Variants in SEC11A observed in about 807,000 individuals in gnomAD.
The protein encoded by SEC11A is SEC11 homolog A, signal peptidase complex subunit.
A neutral mutation model predicts 25.6 loss-of-function variants in SEC11A; 14 were observed. The ratio of observed to expected loss-of-function variants is 0.55; its 90% CI spans 0.36 to 0.85. The LOEUF (loss-of-function observed/expected upper bound fraction) is 0.85. Among genes scored for constraint, SEC11A ranks in the 40% least tolerant of loss-of-function variants. SEC11A has a pLI of 0.01. For synonymous variants in SEC11A, 83 were observed against 76.4 expected, an observed-to-expected ratio of 1.09 and a Z score of -0.45; for missense variants, 153 against 222.9, an observed-to-expected ratio of 0.69 and a Z score of 2.00.
At chr15:84,712,885 G>A (rs1044674294) in intron 1 of SEC11A, among the ~76,000 whole-genome samples, 12 of 152,210 alleles carry the variant, frequency 7.9e-5, no homozygotes, top group African/African-American at 2.9e-4. Flanking sequence ...TCTATATCTT[G>A]ATTGTGATCA....
chr15:84,712,851 G>A (rs1216887937), intron 1 of SEC11A, among the ~76,000 whole-genome samples: 2 of 152,122 alleles, frequency 1.3e-5, no homozygotes, highest in Admixed American at 6.6e-5. Flanking sequence ...GGGACAGAAC[G>A]GGTCTTGTAG....
At chr15:84,672,737 G>C (rs1488800493) in intron 4 of SEC11A, 1 of 186,456 alleles carries the variant, frequency 5.4e-6, no homozygotes, top group Non-Finnish European at 1.1e-5. Context: ...CGTCTGGGAT[G>C]TGAGGAGCCC....
intron 1 of SEC11A, among the ~76,000 whole-genome samples, chr15:84,699,448 G>A (rs1897862647): frequency 2.6e-5 from 4 of 152,036 alleles, no homozygotes; most frequent in Admixed American, 2.6e-4. Context: ...ATGAAACAAG[G>A]GTTTTCGGAC....
intron 1 of SEC11A, among the ~76,000 whole-genome samples, chr15:84,701,415 G>T (rs905191139): frequency 5.9e-5 from 9 of 151,646 alleles, no homozygotes; most frequent in Admixed American, 3.3e-4. Flanking sequence ...CACCTCCCGG[G>T]TTCAAGCAAT....
At chr15:84,685,442 T>A (rs974949619) in intron 3 of SEC11A, among the ~76,000 whole-genome samples, 23 of 141,414 alleles carry the variant, frequency 1.6e-4, no homozygotes, top group South Asian at 2.2e-4. Context: ...TTTTTTTTTT[T>A]ATTTGTAGAG....
chr15:84,687,785 A>G lies in SEC11A; in HGVS notation c.162-11T>C, dbSNP rs1196847581. 1.3e-6 allele frequency: 2 copies of G among 1,585,606 alleles called. No individual in the cohort carries two copies. The highest frequency in any genetic ancestry group is 1.7e-6 in the Non-Finnish European group (2 of 1,172,608). ...GGTTCCATGCTGCCACTGGAAGGGA[A>G]AGAAGAATATAACAGCAAAAAGAAA... On this transcript the variant is annotated splice_polypyrimidine_tract_variant and intron_variant, in intron 2 of 5. Coordinates refer to ENST00000268220, the MANE Select transcript of SEC11A (RefSeq NM_014300.4).
rs1896961954 is a variant in SEC11A, at chr15:84,670,752, G to T, written c.462C>A (p.Ile154=). 3 of 1,461,276 alleles carry T rather than the reference G, an allele frequency of 2.1e-6. No homozygotes were observed. Among genetic ancestry groups the T allele is most frequent in the Non-Finnish European group, 2.8e-6 (3 of 1,068,680 alleles). 90.5% of individuals were successfully genotyped at this position (1,461,276 alleles called of 1,614,324 possible). A position where few individuals can be genotyped will look rare whatever the true frequency, so the allele number is the denominator to read the frequency against. ...TAAATTTAGGATAGTCATTCATGAG[G>T]ATCGTCACAATTCCAATATAAGGAA... ...GFVPYIGIVT[I]LMNDYPKFKY... The change falls in exon 5 of 6, where the codon ATC becomes ATA. Residue 154 remains isoleucine (I), a synonymous_variant. Coordinates refer to ENST00000268220, the MANE Select transcript of SEC11A (RefSeq NM_014300.4).
intron 4 of SEC11A, chr15:84,673,558 A>G (rs111469644): frequency 1.3e-5 from 2 of 153,256 alleles, no homozygotes; most frequent in African/African-American, 4.8e-5. Context: ...CATTCCATAC[A>G]CTGGTGTTTC....
chr15:84,684,502 T>C (rs1351863271), intron 3 of SEC11A, among the ~76,000 whole-genome samples: 1 of 152,116 alleles, frequency 6.6e-6, no homozygotes, highest in Non-Finnish European at 1.5e-5. Context: ...CTTTCCTTTA[T>C]AAATTACCCA....
intron 1 of SEC11A, among the ~76,000 whole-genome samples, chr15:84,701,241 A>G (rs1897931595): frequency 6.6e-6 from 1 of 151,626 alleles, no homozygotes; most frequent in Non-Finnish European, 1.5e-5. Flanking sequence ...AAGAGGCTGT[A>G]GTGGGAGGAT....
chr15:84,676,779 T>TC (rs1288283304), intron 4 of SEC11A, among the ~76,000 whole-genome samples: 1 of 122,470 alleles, frequency 8.2e-6, no homozygotes, highest in Non-Finnish European at 1.7e-5. Context: ...AGAGCAAAAC[T>TC]CCATCTCAAA....
intron 1 of SEC11A, among the ~76,000 whole-genome samples, chr15:84,693,161 T>A (rs1897658465): frequency 6.6e-6 from 1 of 152,174 alleles, no homozygotes; most frequent in African/African-American, 2.4e-5. Context: ...TCTACACAAC[T>A]GTCCTAGTCT....
At chr15:84,702,561 C>T (rs1177775021) in intron 1 of SEC11A, among the ~76,000 whole-genome samples, 1 of 152,070 alleles carries the variant, frequency 6.6e-6, no homozygotes, top group Non-Finnish European at 1.5e-5. Context: ...GCCTCAGCCT[C>T]CTGAGCAGCT....
In SEC11A at chr15:84,703,842, T is replaced by C. The variant is rs191753756; in HGVS notation, c.51+12183A>G. On this transcript the variant is annotated intron_variant, in intron 1 of 5. Transcript: ENST00000268220. ...AATATGAAGATAATTGTGTGCCATA[T>C]AAGTGCTCATCACAGAATTACCTCA... Among the ~76,000 whole-genome samples, 92 of 152,298 alleles carry C rather than the reference T, an allele frequency of 6.0e-4. 1 individual carries two copies. Among genetic ancestry groups the C allele is most frequent in the Middle Eastern group, 6.8e-3 (2 of 294 alleles).
At chr15:84,696,777 AC>A (rs1357697214) in intron 1 of SEC11A, among the ~76,000 whole-genome samples, 1 of 152,048 alleles carries the variant, frequency 6.6e-6, no homozygotes, top group Non-Finnish European at 1.5e-5. Flanking sequence ...ACAAAAACCC[AC>A]AGTTCACGTC....
intron 1 of SEC11A, among the ~76,000 whole-genome samples, chr15:84,711,908 T>A (rs1363097362): frequency 6.6e-6 from 1 of 151,640 alleles, no homozygotes; most frequent in Non-Finnish European, 1.5e-5. Context: ...ACCCAGAGAC[T>A]AAGAAAGAAT....
intron 1 of SEC11A, among the ~76,000 whole-genome samples, chr15:84,699,132 T>C (rs113288365): frequency 0.062 from 9,473 of 151,848 alleles, 377 homozygotes; most frequent in African/African-American, 0.088. Context: ...CTGGCCAACA[T>C]GGCGAAACCC....
At chr15:84,673,777 T>A (rs1313711704) in intron 4 of SEC11A, 1 of 152,076 alleles carries the variant, frequency 6.6e-6, no homozygotes, top group Non-Finnish European at 1.5e-5. Context: ...GGCATGGTGG[T>A]GCACGCCTGT....
In SEC11A at chr15:84,669,690, A is replaced by G; in HGVS notation, c.*329T>C. On this transcript the variant is annotated 3_prime_UTR_variant, in exon 6 of 6. Coordinates refer to ENST00000268220, the MANE Select transcript of SEC11A (RefSeq NM_014300.4). ...ATTTACAAGTCTCTGTAGGCACTTTAGAAGTGAAGCTTGGCTTCAAAATAC... is the reference window on the plus strand; with the variant it reads ...ATTTACAAGTCTCTGTAGGCACTTTGGAAGTGAAGCTTGGCTTCAAAATAC... 1 of 333,184 alleles carries G rather than the reference A, an allele frequency of 3.0e-6. No individual in the cohort carries two copies. 20.6% of individuals were successfully genotyped at this position (333,184 alleles called of 1,614,324 possible).
Sources: gnomAD v4.1 joint callset for allele counts (sites outside exome capture counted in the v4.1 genomes callset) on GRCh38, gnomAD v4.1.1 for gene constraint, MANE v1.5 for transcripts, NCBI Gene and HGNC (gene_info 2026-07-23, HGNC 2026-07-21) for gene names.